The following ZFPM1 variants were observed in gnomAD, a reference collection of about 807,000 sequenced individuals.
ZFPM1 encodes zinc finger protein, FOG family member 1, also known as zinc finger protein ZFPM1.
In ZFPM1, 28 loss-of-function variants were observed where a neutral mutation model predicts 46.3. The observed-to-expected ratio is 0.60, with a 90% CI of 0.45 to 0.83. ZFPM1 has a LOEUF of 0.83. Ranked by LOEUF, ZFPM1 falls within the 40% of genes least tolerant of loss-of-function variation. The probability of loss-of-function intolerance (pLI) is 0.00; values close to 1 mark genes in which losing one functional copy is unlikely to be tolerated. For missense variants in ZFPM1, 1,878 were observed against 1,432.4 expected (o/e 1.31, Z -5.02); for synonymous variants, 957 against 675.9 (o/e 1.42, Z -6.45).
Position 88,476,497 on chromosome 16 carries a change from G to C in ZFPM1, c.41-9442G>C, listed in dbSNP as rs79802565. Among the ~76,000 whole-genome samples the C allele has an allele frequency of 1.2e-4, 19 of 152,236 alleles. 1 individual carries two copies. In the East Asian group the frequency reaches 3.7e-3, roughly 29 times the overall value. On this transcript the variant is annotated intron_variant, in intron 1 of 9. Transcript: ENST00000319555. ...GCTGAGGGAGGGAGGGGAGAGGGCC[G>C]AGCAGGTGCCTGCTGGAAGTTCTGG...
In ZFPM1 at chr16:88,505,306, C is replaced by T. The variant is rs576106423; in HGVS notation, c.269-9081C>T. On this transcript the variant is annotated intron_variant, in intron 3 of 9. Transcript: ENST00000319555. ...AGCCCAGAGCCAGCTAGGGCCTCGG[C>T]GAGGAGGCCAGTCCCTCCCCAGGGT... Among the ~76,000 whole-genome samples the T allele has an allele frequency of 1.3e-3, 199 of 152,276 alleles. 1 individual carries two copies. The highest frequency in any genetic ancestry group is 4.6e-3 in the African/African-American group (190 of 41,562).
rs117120435 is a variant in ZFPM1, at chr16:88,520,028, G to A, written c.402+5508G>A. Among the ~76,000 whole-genome samples the A allele has an allele frequency of 3.9e-4, 59 of 151,366 alleles. No individual in the cohort carries two copies. In the East Asian group the frequency reaches 1.0e-2, roughly 26 times the overall value. On this transcript the variant is annotated intron_variant, in intron 4 of 9. Coordinates refer to ENST00000319555, the MANE Select transcript of ZFPM1 (RefSeq NM_153813.3). ...TAGCTGGTGGATAAGTGGATGGATG[G>A]GAGGATAACCAGGTGGATGTATGCA... is the stretch of plus-strand genomic sequence containing the variant.
intron 1 of ZFPM1, among the ~76,000 whole-genome samples, chr16:88,474,585 G>T (rs1490322214): frequency 6.6e-6 from 1 of 152,114 alleles, no homozygotes; most frequent in Non-Finnish European, 1.5e-5. Flanking sequence ...TTCGGGGGGC[G>T]GGGGGCTCTG....
Position 88,533,226 on chromosome 16 carries a change from C to A in ZFPM1, c.1268C>A (p.Thr423Asn). Reference protein sequence around the residue: ...LASADLGLAPTPSPGLDRKAL... With the variant: ...LASADLGLAPNPSPGLDRKAL... The stretch of plus-strand genomic sequence containing the variant: ...TCCGCGGACCTGGGCCTGGCGCCCA[C>A]CCCATCGCCAGGACTGGACAGAAAG... The change falls in exon 10 of 10, where the codon ACC (threonine) becomes AAC (asparagine). Residue 423 changes from threonine (T) to asparagine (N), a missense_variant. By Grantham distance (65) the Thr-to-Asn change is moderately conservative (BLOSUM62 0). Coordinates refer to ENST00000319555, the MANE Select transcript of ZFPM1 (RefSeq NM_153813.3). The A allele has an allele frequency of 6.4e-7, 1 of 1,563,206 alleles. No homozygotes were observed. Among genetic ancestry groups the A allele is most frequent in the Non-Finnish European group, 8.6e-7 (1 of 1,162,260 alleles).
rs1199069267 is a variant in ZFPM1 at position 88,532,325 on chromosome 16, C to T, written c.946+90C>T. 2.4e-6 allele frequency: 3 copies of T among 1,267,376 alleles called. No individual in the cohort carries two copies. In the African/African-American group the frequency reaches 4.5e-5, roughly 19 times the overall value. 78.5% of individuals were successfully genotyped at this position (1,267,376 alleles called of 1,614,324 possible). Reference sequence around the variant, plus strand: ...CCGCCCGGGAAAACCCACATGCAAGCACACACGGTGCCACCATTCACCTGC... The same window carrying T: ...CCGCCCGGGAAAACCCACATGCAAGTACACACGGTGCCACCATTCACCTGC... On this transcript the variant is annotated intron_variant, in intron 7 of 9. Coordinates refer to ENST00000319555, the MANE Select transcript of ZFPM1 (RefSeq NM_153813.3).
intron 1 of ZFPM1, among the ~76,000 whole-genome samples, chr16:88,482,088 T>A (rs1488597960): frequency 2.0e-5 from 3 of 152,184 alleles, no homozygotes; most frequent in Non-Finnish European, 4.4e-5. Flanking sequence ...GGCCGTGGGT[T>A]GGCCTGCTCC....
chr16:88,502,394 T>G (rs1477202520), intron 3 of ZFPM1, among the ~76,000 whole-genome samples: 2 of 151,518 alleles, frequency 1.3e-5, no homozygotes, highest in African/African-American at 4.8e-5. Flanking sequence ...AGGACCCACC[T>G]CTGCCCCATA....
chr16:88,492,860 C>G (rs1314109033), intron 3 of ZFPM1, among the ~76,000 whole-genome samples: 1 of 152,222 alleles, frequency 6.6e-6, no homozygotes, highest in Non-Finnish European at 1.5e-5. Context: ...ACCCAAGAGG[C>G]CCCCAACACC....
intron 5 of ZFPM1, among the ~76,000 whole-genome samples, chr16:88,527,332 C>T (rs1241773924): frequency 6.6e-6 from 1 of 152,204 alleles, no homozygotes; most frequent in African/African-American, 2.4e-5. Flanking sequence ...GCTCCAGGAA[C>T]GGTCAAGGTG....
intron 4 of ZFPM1, 132 bp from the exon 5 acceptor site, chr16:88,526,682 A>G (rs1912349903): frequency 2.8e-5 from 27 of 964,692 alleles, no homozygotes; most frequent in Non-Finnish European, 4.2e-5. Flanking sequence ...TGGGCCAATG[A>G]CTGTCCACAG....
At chr16:88,501,579 TGTGGGTG>T (rs1910323619) in intron 3 of ZFPM1, among the ~76,000 whole-genome samples, 3 of 71,542 alleles carry the variant, frequency 4.2e-5, no homozygotes, top group African/African-American at 1.5e-4. Context: ...AGATAGCGGG[TGTGGGTG>T]CATGGGCTCT....
chr16:88,495,765 C>T (rs1442403301), intron 3 of ZFPM1, among the ~76,000 whole-genome samples: 3 of 152,144 alleles, frequency 2.0e-5, no homozygotes, highest in African/African-American at 7.2e-5. Flanking sequence ...GGTGAGTGGC[C>T]AGGAGCCCAC....
chr16:88,532,727 CG>C lies in ZFPM1; in HGVS notation c.1042+24del, dbSNP rs2142493183. The C allele has an allele frequency of 1.9e-6, 3 of 1,612,290 alleles. No individual in the cohort carries two copies. The highest frequency in any genetic ancestry group is 4.5e-5 in the East Asian group (2 of 44,868). Reference sequence around the variant, plus strand: ...GCTGAGCGGTAGGCACCGCAGGGGCCGGGGGGTGTGTGGGTCCCGCCTCCCC... The same window carrying C: ...GCTGAGCGGTAGGCACCGCAGGGGCCGGGGGTGTGTGGGTCCCGCCTCCCC... On this transcript the variant is annotated intron_variant, in intron 8 of 9. Coordinates refer to ENST00000319555, the MANE Select transcript of ZFPM1 (RefSeq NM_153813.3).
intron 1 of ZFPM1, among the ~76,000 whole-genome samples, 192 bp from the exon 2 acceptor site, chr16:88,485,747 C>A (rs1909184419): frequency 2.6e-5 from 4 of 152,158 alleles, no homozygotes; most frequent in Admixed American, 2.6e-4. Context: ...AATGTCAAGT[C>A]TTGAGGAACC....
intron 4 of ZFPM1, among the ~76,000 whole-genome samples, chr16:88,517,491 G>C (rs533015462): frequency 1.2e-4 from 18 of 149,520 alleles, no homozygotes; most frequent in Non-Finnish European, 2.7e-4. Context: ...TGGATGGATG[G>C]ATGGATGGAT....
chr16:88,514,273 C>T, intron 3 of ZFPM1, 114 bp from the exon 4 acceptor site: 1 of 1,487,320 alleles, frequency 6.7e-7, no homozygotes, highest in South Asian at 1.3e-5. Context: ...CTGCCATTCA[C>T]CCCAGGCCCC....
At chr16:88,463,222 C>T (rs1431208881) in intron 1 of ZFPM1, among the ~76,000 whole-genome samples, 14 of 152,226 alleles carry the variant, frequency 9.2e-5, no homozygotes, top group Admixed American at 8.5e-4. Context: ...GGTAGTCCTC[C>T]GGGGACAGGG....
chr16:88,504,392 G>T (rs1328717440), intron 3 of ZFPM1, among the ~76,000 whole-genome samples: 1 of 152,084 alleles, frequency 6.6e-6, no homozygotes, highest in Non-Finnish European at 1.5e-5. Flanking sequence ...AGACTACTAG[G>T]ACCTGGAGGC....
rs547945906 is a variant in ZFPM1 at position 88,467,997 on chromosome 16, C to A, written c.40+14319C>A. The stretch of plus-strand genomic sequence containing the variant: ...GAGAACACACTCTCAACCCGCACAC[C>A]CGCGAGCCCCCCACCGCCCCTCACA... On this transcript the variant is annotated intron_variant, in intron 1 of 9. Transcript: ENST00000319555. Among the ~76,000 whole-genome samples, 747 of 150,730 alleles carry A rather than the reference C, an allele frequency of 5.0e-3. 7 individuals carry two copies. The highest frequency in any genetic ancestry group is 0.017 in the African/African-American group (706 of 41,022).
Sources: allele counts gnomAD v4.1 joint callset (sites outside exome capture counted in the v4.1 genomes callset), GRCh38; gene constraint gnomAD v4.1.1; transcripts MANE v1.5; gene names NCBI Gene and HGNC (gene_info 2026-07-23, HGNC 2026-07-21).